The following CNBD1 variants were observed in gnomAD, a reference collection of about 807,000 sequenced individuals.
CNBD1 encodes cyclic nucleotide-binding domain-containing protein 1.
CNBD1 carries 71 observed loss-of-function variants against 54.4 expected under a neutral mutation model. The observed-to-expected ratio is 1.30, with a 90% CI of 1.08 to 1.59. The LOEUF (loss-of-function observed/expected upper bound fraction) is 1.59, where lower values mean the gene tolerates loss of function less well. Ranked by LOEUF, CNBD1 falls within the 40% of genes most tolerant of loss-of-function variation. The pLI, the probability that CNBD1 is intolerant of heterozygous loss-of-function variation, is 0.00. For synonymous variants in CNBD1, 182 were observed against 170.7 expected (o/e 1.07, Z -0.51); for missense variants, 659 against 518.0 (o/e 1.27, Z -2.64).
chr8:87,376,026 T>C (rs1313001332), intron 10 of CNBD1, among the ~76,000 whole-genome samples: 2 of 151,914 alleles, frequency 1.3e-5, no homozygotes, highest in African/African-American at 4.8e-5. Flanking sequence ...AATTATGCAA[T>C]ATGAAGGATT....
At chr8:87,368,069 G>A (rs886092927) in intron 10 of CNBD1, among the ~76,000 whole-genome samples, 3 of 151,980 alleles carry the variant, frequency 2.0e-5, no homozygotes, top group African/African-American at 7.2e-5. Context: ...GGCTGAGGCA[G>A]GAGAATTGCT....
At chr8:87,178,859 A>G (rs1260697046) in intron 4 of CNBD1, among the ~76,000 whole-genome samples, 1 of 152,130 alleles carries the variant, frequency 6.6e-6, no homozygotes, top group Non-Finnish European at 1.5e-5. Context: ...GATCTTGAAC[A>G]TTTCTTCTAC....
chr8:87,073,993 C>T (rs183804151), intron 4 of CNBD1, among the ~76,000 whole-genome samples: 21 of 150,936 alleles, frequency 1.4e-4, no homozygotes, highest in African/African-American at 4.4e-4. Flanking sequence ...CCCAGCTACT[C>T]GGGAGGCTGA....
At chr8:87,032,466 T>A (rs1224568755) in intron 4 of CNBD1, among the ~76,000 whole-genome samples, 1 of 152,144 alleles carries the variant, frequency 6.6e-6, no homozygotes, top group African/African-American at 2.4e-5. Flanking sequence ...ATATTTACTA[T>A]TAAGTGGAAG....
intron 5 of CNBD1, among the ~76,000 whole-genome samples, chr8:87,226,183 A>G (rs1473258793): frequency 2.0e-5 from 3 of 151,902 alleles, no homozygotes; most frequent in South Asian, 2.1e-4. Context: ...GATCCTTTCA[A>G]AAAACCAGCT....
At chr8:87,390,479 A>C (rs890176334) in intron 2 of CNBD1, among the ~76,000 whole-genome samples, 25 of 152,160 alleles carry the variant, frequency 1.6e-4, no homozygotes, top group Non-Finnish European at 7.4e-5. Context: ...AGCCAAAAGA[A>C]ACATGAAAAA....
chr8:87,134,053 C>T (rs1812175446), intron 4 of CNBD1, among the ~76,000 whole-genome samples: 1 of 152,050 alleles, frequency 6.6e-6, no homozygotes, highest in African/African-American at 2.4e-5. Context: ...GAATTCGAAA[C>T]ATATAATCTT....
intron 2 of CNBD1, among the ~76,000 whole-genome samples, chr8:87,394,221 T>C (rs1348622455): frequency 6.6e-6 from 1 of 151,776 alleles, no homozygotes; most frequent in African/African-American, 2.4e-5. Flanking sequence ...CTTAGTGAAA[T>C]AAAATAAGAA....
intron 4 of CNBD1, among the ~76,000 whole-genome samples, chr8:86,997,433 T>C (rs1808898634): frequency 6.6e-6 from 1 of 152,202 alleles, no homozygotes; most frequent in Admixed American, 6.5e-5. Flanking sequence ...GATAAATTTG[T>C]CAGTATTCAC....
Position 87,165,178 on chromosome 8 carries a change from G to A in CNBD1, c.432-40815G>A, listed in dbSNP as rs75169777. ...TGTTCATAATTATTTGTGGCCTAAC[G>A]TATGATTTATTCTGAACAATGCTCT... is the stretch of plus-strand genomic sequence containing the variant. On this transcript the variant is annotated intron_variant, in intron 4 of 10. Transcript: ENST00000518476. 2.9e-3 allele frequency among the ~76,000 whole-genome samples: 442 copies of A among 151,810 alleles called. 10 individuals are homozygous for A. Among genetic ancestry groups the A allele is most frequent in the African/African-American group, 1.0e-2 (414 of 41,460 alleles).
chr8:86,922,357 C>A (rs960479503), intron 3 of CNBD1, among the ~76,000 whole-genome samples: 2 of 151,910 alleles, frequency 1.3e-5, no homozygotes, highest in African/African-American at 4.8e-5. Context: ...ATAAAAAAGG[C>A]AAGGCGAGGG....
chr8:86,962,297 A>C (rs946815061), intron 4 of CNBD1, among the ~76,000 whole-genome samples: 3 of 152,216 alleles, frequency 2.0e-5, no homozygotes, highest in African/African-American at 7.2e-5. Flanking sequence ...CAGGCCTTTT[A>C]AATATACCTA....
chr8:86,951,864 G>T (rs942373324), intron 4 of CNBD1, among the ~76,000 whole-genome samples: 4 of 151,966 alleles, frequency 2.6e-5, no homozygotes, highest in African/African-American at 9.7e-5. Context: ...AAGCTGGGAA[G>T]TACTTAGGGC....
At chr8:87,312,580 A>G (rs1360617283) in intron 8 of CNBD1, among the ~76,000 whole-genome samples, 1 of 152,088 alleles carries the variant, frequency 6.6e-6, no homozygotes, top group Non-Finnish European at 1.5e-5. Flanking sequence ...TTTTCTGACT[A>G]CAGCATTCTT....
chr8:86,957,020 T>A (rs1218357507), intron 4 of CNBD1, among the ~76,000 whole-genome samples: 1 of 152,236 alleles, frequency 6.6e-6, no homozygotes, highest in Non-Finnish European at 1.5e-5. Context: ...ACCTAGTTTA[T>A]TGAGAGTTTT....
intron 4 of CNBD1, among the ~76,000 whole-genome samples, chr8:87,129,443 T>G (rs1436216502): frequency 1.3e-5 from 2 of 152,176 alleles, no homozygotes; most frequent in Non-Finnish European, 2.9e-5. Context: ...CTTTGTGTCT[T>G]TTAAGAAATC....
chr8:87,418,161 C>T (rs1807866338), intron 2 of CNBD1, among the ~76,000 whole-genome samples: 1 of 151,908 alleles, frequency 6.6e-6, no homozygotes, highest in African/African-American at 2.4e-5. Context: ...CTGCATTAGT[C>T]ATACTTGTGT....
chr8:87,332,279 C>T (rs961611765), intron 8 of CNBD1, among the ~76,000 whole-genome samples: 13 of 147,930 alleles, frequency 8.8e-5, no homozygotes, highest in Middle Eastern at 3.5e-3. Context: ...ACGCAGGAGG[C>T]GGAGGTTGCA....
chr8:87,316,661 A>G (rs1035998540), intron 8 of CNBD1, among the ~76,000 whole-genome samples: 2 of 151,942 alleles, frequency 1.3e-5, no homozygotes, highest in Admixed American at 6.6e-5. Context: ...ATCAAGGCAC[A>G]GGTTAAATAA....
Sources: gnomAD v4.1 joint callset for allele counts (sites outside exome capture counted in the v4.1 genomes callset) on GRCh38, gnomAD v4.1.1 for gene constraint, MANE v1.5 for transcripts, NCBI Gene and HGNC (gene_info 2026-07-23, HGNC 2026-07-21) for gene names.